The following MYO6 variants were observed in gnomAD, a reference collection of about 807,000 sequenced individuals.
The protein encoded by MYO6 is myosin VI.
MYO6 carries 74 observed loss-of-function variants against 178.7 expected under a neutral mutation model. The ratio of observed to expected loss-of-function variants is 0.41; its 90% CI spans 0.34 to 0.50. The LOEUF (loss-of-function observed/expected upper bound fraction) is 0.50. Among genes scored for constraint, MYO6 ranks in the 20% least tolerant of loss-of-function variants. The pLI is 0.09. For synonymous variants in MYO6, 477 were observed against 504.6 expected (o/e 0.95, Z 0.73); for missense variants, 1,330 against 1,547.4 (o/e 0.86, Z 2.36).
At chr6:75,768,466 C>T (rs532077224) in intron 1 of MYO6, among the ~76,000 whole-genome samples, 9 of 149,950 alleles carry the variant, frequency 6.0e-5, no homozygotes, top group South Asian at 4.2e-4. Context: ...CTGCAACCTC[C>T]GCTTCCTGGG....
At chr6:75,899,912 A>C (rs996083564) in intron 30 of MYO6, among the ~76,000 whole-genome samples, 62 of 120,420 alleles carry the variant, frequency 5.1e-4, no homozygotes, top group African/African-American at 1.9e-3. Context: ...CAGTCCCCAG[A>C]GTGTGATGTT....
chr6:75,794,731 C>CA (rs1335826911), intron 1 of MYO6, among the ~76,000 whole-genome samples: 18 of 122,816 alleles, frequency 1.5e-4, no homozygotes, highest in South Asian at 2.5e-4. Flanking sequence ...GTTATATAAG[C>CA]AAAAAAAATA....
At chr6:75,774,026 T>G (rs990900256) in intron 1 of MYO6, among the ~76,000 whole-genome samples, 2 of 152,208 alleles carry the variant, frequency 1.3e-5, no homozygotes, top group Admixed American at 6.5e-5. Flanking sequence ...AATTTATGGT[T>G]GTTGTTTCTC....
At chr6:75,765,286 C>T (rs1045648655) in intron 1 of MYO6, among the ~76,000 whole-genome samples, 16 of 144,398 alleles carry the variant, frequency 1.1e-4, no homozygotes, top group African/African-American at 3.8e-4. Flanking sequence ...AAGCGATTCT[C>T]GAGCCTCAGC....
chr6:75,835,975 T>A lies in MYO6; in HGVS notation c.553+19T>A. 6.5e-7 allele frequency: 1 copy of A among 1,550,228 alleles called. No individual in the cohort carries two copies. Among genetic ancestry groups the A allele is most frequent in the Non-Finnish European group, 8.9e-7 (1 of 1,121,604 alleles). ...GTTGAAGGTATTGCTAATTTTTCAG[T>A]TGTTACGCGTGTACTGAAATTAATT... is the stretch of plus-strand genomic sequence containing the variant. On this transcript the variant is annotated intron_variant, in intron 7 of 34. Transcript: ENST00000369977.
At chr6:75,901,416 G>A (rs972101919) in intron 30 of MYO6, among the ~76,000 whole-genome samples, 3 of 152,132 alleles carry the variant, frequency 2.0e-5, no homozygotes, top group African/African-American at 7.2e-5. Context: ...GTGATTTGTA[G>A]TTCTCCTTGA....
At chr6:75,903,625 G>A (rs1780008933) in intron 30 of MYO6, among the ~76,000 whole-genome samples, 1 of 151,888 alleles carries the variant, frequency 6.6e-6, no homozygotes, top group African/African-American at 2.4e-5. Flanking sequence ...GTGTGTCTCT[G>A]CACGTGAGAT....
At chr6:75,761,234 G>C (rs138537758) in intron 1 of MYO6, among the ~76,000 whole-genome samples, 1 of 152,120 alleles carries the variant, frequency 6.6e-6, no homozygotes, top group South Asian at 2.1e-4. Context: ...ACAGGTGAAT[G>C]TAAAGTGAAA....
chr6:75,813,992 C>A (rs896250060), intron 1 of MYO6, among the ~76,000 whole-genome samples: 4 of 152,156 alleles, frequency 2.6e-5, no homozygotes, highest in Admixed American at 6.5e-5. Flanking sequence ...GTGAGTTGCA[C>A]TCCTGGCCGC....
chr6:75,880,975 G>A (rs1209004908), intron 22 of MYO6, among the ~76,000 whole-genome samples: 1 of 152,226 alleles, frequency 6.6e-6, no homozygotes, highest in Non-Finnish European at 1.5e-5. Context: ...ATGGGGGTTG[G>A]GCGCTGTGGC....
At chr6:75,904,682 C>T (rs575951026) in intron 30 of MYO6, among the ~76,000 whole-genome samples, 120 of 152,234 alleles carry the variant, frequency 7.9e-4, no homozygotes, top group African/African-American at 1.8e-3. Flanking sequence ...AATGTCCTCC[C>T]GTAGCTCGGA....
chr6:75,839,923 G>A (rs1774048727), intron 7 of MYO6, among the ~76,000 whole-genome samples: 1 of 151,274 alleles, frequency 6.6e-6, no homozygotes, highest in Admixed American at 6.6e-5. Context: ...AAGTACTGTT[G>A]TGGGCCTGAT....
chr6:75,894,588 ATG>A (rs770348960), intron 28 of MYO6, among the ~76,000 whole-genome samples: 4 of 68,410 alleles, frequency 5.8e-5, no homozygotes, highest in Admixed American at 2.3e-4. Flanking sequence ...CAGATATCAC[ATG>A]TTTGATAGTT....
intron 1 of MYO6, among the ~76,000 whole-genome samples, chr6:75,765,441 T>C (rs913263772): frequency 5.3e-5 from 8 of 151,972 alleles, no homozygotes; most frequent in Non-Finnish European, 1.0e-4. Flanking sequence ...CCTCCCAAAG[T>C]GTTGGGATTA....
At chr6:75,868,322 GTA>G (rs1554213468) in intron 18 of MYO6, among the ~76,000 whole-genome samples, 1 of 151,490 alleles carries the variant, frequency 6.6e-6, no homozygotes. Flanking sequence ...TTTTATTTGA[GTA>G]TTCTTCTATT....
At chr6:75,882,024 G>C (rs1363119870) in intron 23 of MYO6, among the ~76,000 whole-genome samples, 1 of 152,056 alleles carries the variant, frequency 6.6e-6, no homozygotes, top group African/African-American at 2.4e-5. Context: ...TGTGTTATAA[G>C]AGTGTCAGTT....
intron 1 of MYO6, among the ~76,000 whole-genome samples, chr6:75,783,548 G>C (rs1014299529): frequency 7.4e-5 from 11 of 147,728 alleles, no homozygotes; most frequent in African/African-American, 2.7e-4. Context: ...GATGACATTT[G>C]ATATCTTCTT....
At chr6:75,780,063 C>G (rs1274184573) in intron 1 of MYO6, among the ~76,000 whole-genome samples, 1 of 152,056 alleles carries the variant, frequency 6.6e-6, no homozygotes, top group African/African-American at 2.4e-5. Flanking sequence ...CTACTTGTTG[C>G]AAAATAATTG....
chr6:75,804,724 G>A (rs376791929), intron 1 of MYO6, among the ~76,000 whole-genome samples: 8 of 151,984 alleles, frequency 5.3e-5, no homozygotes, highest in Non-Finnish European at 5.9e-5. Context: ...AAATGACTCC[G>A]TAAGGCAGTC....
Sources: gnomAD v4.1 joint callset for allele counts (sites outside exome capture counted in the v4.1 genomes callset) on GRCh38, gnomAD v4.1.1 for gene constraint, MANE v1.5 for transcripts, NCBI Gene and HGNC (gene_info 2026-07-23, HGNC 2026-07-21) for gene names.